EYS: variants seen among roughly 807,000 people sequenced by gnomAD.
EYS encodes protein eyes shut homolog.
A neutral mutation model predicts 282.1 loss-of-function variants in EYS; 250 were observed. The observed-to-expected ratio is 0.89, with a 90% confidence interval of 0.80 to 0.98. The LOEUF (loss-of-function observed/expected upper bound fraction) is 0.98. Ranked by LOEUF, EYS falls within the 50% of genes least tolerant of loss-of-function variation. The pLI is 0.00. For missense variants in EYS, 4,016 were observed against 3,709.0 expected (o/e 1.08, Z -2.15); for synonymous variants, 1,355 against 1,282.9 (o/e 1.06, Z -1.20).
intron 12 of EYS, among the ~76,000 whole-genome samples, chr6:65,113,112 G>A (rs904797388): frequency 6.6e-6 from 1 of 151,990 alleles, no homozygotes; most frequent in Admixed American, 6.6e-5. Flanking sequence ...TTTTAGTTGT[G>A]CACGTAAGCA....
intron 26 of EYS, among the ~76,000 whole-genome samples, chr6:64,520,676 C>T (rs1777708486): frequency 6.6e-6 from 1 of 151,720 alleles, no homozygotes; most frequent in Non-Finnish European, 1.5e-5. Context: ...CACATTGAGT[C>T]AGGAGAAAAG....
intron 19 of EYS, among the ~76,000 whole-genome samples, chr6:64,837,376 C>T (rs1466196608): frequency 3.3e-5 from 5 of 150,988 alleles, no homozygotes; most frequent in African/African-American, 7.3e-5. Flanking sequence ...TAACAACATA[C>T]GAAAGGGGGG....
intron 1 of EYS, among the ~76,000 whole-genome samples, chr6:65,676,328 G>A (rs1768594428): frequency 6.6e-6 from 1 of 151,664 alleles, no homozygotes; most frequent in South Asian, 2.1e-4. Context: ...CAAAACCTCA[G>A]CTAGACTAAG....
chr6:65,055,041 G>A (rs1178998592), intron 13 of EYS, among the ~76,000 whole-genome samples: 1 of 151,948 alleles, frequency 6.6e-6, no homozygotes, highest in Non-Finnish European at 1.5e-5. Flanking sequence ...GGCTGCAGTG[G>A]CACAATAATA....
chr6:64,454,530 T>G (rs1170955932), intron 26 of EYS, among the ~76,000 whole-genome samples: 1 of 152,180 alleles, frequency 6.6e-6, no homozygotes, highest in African/African-American at 2.4e-5. Context: ...CAGGTCCACT[T>G]AAATGCTATT....
chr6:63,825,115 C>T (rs1338890929), intron 36 of EYS, among the ~76,000 whole-genome samples: 4 of 152,082 alleles, frequency 2.6e-5, no homozygotes. Context: ...CTGGGTGAGG[C>T]CTGTGACTGC....
At chr6:65,015,690 T>A (rs2150135585) in intron 13 of EYS, among the ~76,000 whole-genome samples, 1 of 151,968 alleles carries the variant, frequency 6.6e-6, no homozygotes, top group South Asian at 2.1e-4. Flanking sequence ...TTTTATTAGT[T>A]TTTTACAATG....
intron 2 of EYS, among the ~76,000 whole-genome samples, chr6:65,620,033 T>C (rs1766407899): frequency 6.6e-6 from 1 of 152,178 alleles, no homozygotes. Context: ...GTTGTGTCTC[T>C]GCCAGGCTTT....
At chr6:65,668,751 G>A (rs114130815) in intron 1 of EYS, among the ~76,000 whole-genome samples, 365 of 151,890 alleles carry the variant, frequency 2.4e-3, no homozygotes, top group African/African-American at 8.4e-3. Context: ...GAAGACATTG[G>A]CAAACAGACA....
chr6:64,766,649 A>ATATATATATATATATATATATAT (rs1554201272), intron 22 of EYS, among the ~76,000 whole-genome samples: 1 of 19,068 alleles, frequency 5.2e-5, no homozygotes, highest in Non-Finnish European at 1.0e-4. Context: ...AAAAAAAAAA[A>ATATATATATATATATATATATAT]ATATATATAT....
chr6:64,171,355 A>G (rs745849185), intron 31 of EYS, among the ~76,000 whole-genome samples: 5 of 152,200 alleles, frequency 3.3e-5, no homozygotes, highest in Non-Finnish European at 7.3e-5. Flanking sequence ...TGCCTGGAGT[A>G]GTCAACATAT....
At chr6:64,160,207 G>A (rs1199922354) in intron 31 of EYS, among the ~76,000 whole-genome samples, 2 of 151,986 alleles carry the variant, frequency 1.3e-5, no homozygotes, top group Non-Finnish European at 2.9e-5. Flanking sequence ...ATCACTTTTG[G>A]GATATGGGAA....
rs957750947 is a variant in EYS, at chr6:64,205,729, G to A, written c.6424+24863C>T. On this transcript the variant is annotated intron_variant, in intron 31 of 42. Transcript: ENST00000503581. ...TACAGGCACCCCTTGATGGTGAAAC[G>A]CTGAAGATCACCATGTCAAAATGCC... is the stretch of plus-strand genomic sequence containing the variant. Among the ~76,000 whole-genome samples, 7 of 151,726 alleles carry A rather than the reference G, an allele frequency of 4.6e-5. No individual in the cohort carries two copies. In the South Asian group the frequency reaches 1.0e-3, roughly 23 times the overall value.
At chr6:65,014,144 G>A (rs929676539) in intron 13 of EYS, among the ~76,000 whole-genome samples, 3 of 152,122 alleles carry the variant, frequency 2.0e-5, no homozygotes, top group Non-Finnish European at 4.4e-5. Context: ...CAGCAGCCAA[G>A]AACACTCTAG....
chr6:64,725,918 C>A (rs1481682331), intron 22 of EYS, among the ~76,000 whole-genome samples: 3 of 152,082 alleles, frequency 2.0e-5, no homozygotes, highest in Non-Finnish European at 1.5e-5. Context: ...ATTTAGGTGG[C>A]CTTCTAATGC....
At position 65,371,437 on chromosome 6, in the gene EYS, G is replaced by A. The variant is rs139256727; in HGVS notation, c.1299+12949C>T. Among the ~76,000 whole-genome samples, 36 of 150,662 alleles carry A rather than the reference G, an allele frequency of 2.4e-4. No individual in the cohort carries two copies. In the East Asian group the frequency reaches 4.1e-3, roughly 17 times the overall value. Reference sequence around the variant, plus strand: ...TTGGGTTTCTACAGAAGGACAAACCGAGGATGTAACATTTGAGAAAATACC... The same window carrying A: ...TTGGGTTTCTACAGAAGGACAAACCAAGGATGTAACATTTGAGAAAATACC... On this transcript the variant is annotated intron_variant, in intron 8 of 42. Coordinates refer to ENST00000503581, the MANE Select transcript of EYS (RefSeq NM_001142800.2).
At chr6:64,303,323 A>G in intron 30 of EYS, among the ~76,000 whole-genome samples, 1 of 152,128 alleles carries the variant, frequency 6.6e-6, no homozygotes, top group East Asian at 1.9e-4. Flanking sequence ...TGCTAATAAT[A>G]CTCATGTTTG....
At chr6:65,624,688 T>C (rs979843945) in intron 2 of EYS, among the ~76,000 whole-genome samples, 2 of 152,302 alleles carry the variant, frequency 1.3e-5, no homozygotes, top group African/African-American at 4.8e-5. Context: ...GCAGACCCGC[T>C]GAGTCTTCCT....
chr6:64,010,804 T>C (rs1229015736), intron 33 of EYS, among the ~76,000 whole-genome samples: 1 of 152,172 alleles, frequency 6.6e-6, no homozygotes, highest in Non-Finnish European at 1.5e-5. Context: ...TGTCCTACAA[T>C]GATACTGGAA....
Sources: gnomAD v4.1 joint callset for allele counts (sites outside exome capture counted in the v4.1 genomes callset) on GRCh38, gnomAD v4.1.1 for gene constraint, MANE v1.5 for transcripts, NCBI Gene and HGNC (gene_info 2026-07-23, HGNC 2026-07-21) for gene names.